The following CACNA1C variants were observed in gnomAD, a reference collection of about 807,000 sequenced individuals.
The protein encoded by CACNA1C is voltage-dependent L-type calcium channel subunit alpha-1C.
A neutral mutation model predicts 229.0 loss-of-function variants in CACNA1C; 30 were observed. The ratio of observed to expected loss-of-function variants is 0.13; its 90% CI spans 0.10 to 0.18. The LOEUF (loss-of-function observed/expected upper bound fraction) is 0.18, where lower values mean the gene tolerates loss of function less well. Ranked by LOEUF, CACNA1C falls within the 10% of genes least tolerant of loss-of-function variation. The pLI is 1.00. For missense variants in CACNA1C, 1,658 were observed against 2,845.0 expected (o/e 0.58, Z 9.49); for synonymous variants, 1,114 against 1,132.5 (o/e 0.98, Z 0.33).
intron 3 of CACNA1C, among the ~76,000 whole-genome samples, chr12:2,204,494 G>A (rs369085842): frequency 8.6e-5 from 13 of 150,858 alleles, no homozygotes; most frequent in Admixed American, 2.6e-4. Flanking sequence ...ACATGCACAC[G>A]TATGTTTATT....
intron 3 of CACNA1C, among the ~76,000 whole-genome samples, chr12:2,420,979 C>T (rs916128401): frequency 5.9e-5 from 9 of 151,972 alleles, no homozygotes; most frequent in African/African-American, 2.2e-4. Context: ...TTAGTCAGAT[C>T]CTGTGAATTA....
At position 2,270,556 on chromosome 12, in the gene CACNA1C, G is replaced by A. The variant is rs1247618684; in HGVS notation, c.477+150126G>A. Among the ~76,000 whole-genome samples the A allele has an allele frequency of 2.6e-5, 4 of 152,278 alleles. No individual in the cohort carries two copies. The South Asian group carries it at 6.2e-4, about 24-fold the overall frequency. On this transcript the variant is annotated intron_variant, in intron 3 of 46. Transcript: ENST00000399655. The stretch of plus-strand genomic sequence containing the variant: ...ACACGAGTAGTCTCTTTGAGTGGGG[G>A]CCACAGCACTCCAGACGTGGTGATG...
At chr12:2,148,725 T>C (rs2094953066) in intron 3 of CACNA1C, among the ~76,000 whole-genome samples, 1 of 151,056 alleles carries the variant, frequency 6.6e-6, no homozygotes. Flanking sequence ...GTTTTTGTAA[T>C]TTTTTGTAGA....
intron 3 of CACNA1C, among the ~76,000 whole-genome samples, chr12:2,253,315 A>C (rs1003389550): frequency 2.6e-5 from 4 of 152,234 alleles, no homozygotes; most frequent in African/African-American, 9.6e-5. Context: ...GTTTCTAATC[A>C]AGCTTTTGGT....
At chr12:2,304,711 C>T (rs1051080441) in intron 3 of CACNA1C, among the ~76,000 whole-genome samples, 1 of 152,188 alleles carries the variant, frequency 6.6e-6, no homozygotes, top group Non-Finnish European at 1.5e-5. Context: ...AGGGCCAGCC[C>T]TCTGCACCAC....
At chr12:2,382,901 G>A (rs1013174823) in intron 3 of CACNA1C, among the ~76,000 whole-genome samples, 1 of 152,112 alleles carries the variant, frequency 6.6e-6, no homozygotes, top group African/African-American at 2.4e-5. Flanking sequence ...AGTCCCACAG[G>A]ATGGGGAAAG....
At chr12:2,497,205 C>G (rs1169536091) in intron 7 of CACNA1C, among the ~76,000 whole-genome samples, 1 of 152,212 alleles carries the variant, frequency 6.6e-6, no homozygotes, top group Non-Finnish European at 1.5e-5. Context: ...CATAGGCATG[C>G]TCTGAGAATT....
At chr12:2,022,318 C>T (rs1374851888) in intron 1 of CACNA1C, among the ~76,000 whole-genome samples, 2 of 152,198 alleles carry the variant, frequency 1.3e-5, no homozygotes, top group Non-Finnish European at 2.9e-5. Flanking sequence ...ATAATTATCT[C>T]ATTTCTGTAA....
chr12:2,335,359 T>C (rs1407700791), intron 3 of CACNA1C, among the ~76,000 whole-genome samples: 1 of 152,136 alleles, frequency 6.6e-6, no homozygotes, highest in East Asian at 1.9e-4. Flanking sequence ...ATTTACGATG[T>C]CAAGAGCCAT....
Position 2,029,701 on chromosome 12 carries a change from C to G in CACNA1C, c.139+58500C>G, listed in dbSNP as rs2047916295. On this transcript the variant is annotated intron_variant, in intron 1 of 46. Transcript: ENST00000682462. This position sits in a 1 kb window ranked among gnomAD's most constrained non-coding sequence, Gnocchi z 4.9. Reference sequence around the variant, plus strand: ...GAAGTGAGGCTAACTGACTGTGACACAGTTTTCTGTTTCTTTCCACCCCAC... The same window carrying G: ...GAAGTGAGGCTAACTGACTGTGACAGAGTTTTCTGTTTCTTTCCACCCCAC... Among the ~76,000 whole-genome samples, 1 of 152,214 alleles carries G rather than the reference C, an allele frequency of 6.6e-6. No individual in the cohort carries two copies. The highest frequency in any genetic ancestry group is 1.5e-5 in the Non-Finnish European group (1 of 68,046).
intron 1 of CACNA1C, among the ~76,000 whole-genome samples, chr12:2,042,372 T>C (rs953214357): frequency 1.3e-5 from 2 of 152,242 alleles, no homozygotes; most frequent in African/African-American, 4.8e-5. Context: ...TCTTTTGGAT[T>C]GAATTTTCAT....
chr12:2,055,421 T>C (rs2054299881), intron 1 of CACNA1C, among the ~76,000 whole-genome samples: 1 of 152,226 alleles, frequency 6.6e-6, no homozygotes, highest in African/African-American at 2.4e-5. Flanking sequence ...GTAATAATAG[T>C]GATTATTCAC....
At chr12:2,208,960 C>T (rs1232682036) in intron 3 of CACNA1C, among the ~76,000 whole-genome samples, 1 of 152,186 alleles carries the variant, frequency 6.6e-6, no homozygotes, top group Non-Finnish European at 1.5e-5. Context: ...ATCCCTGCCC[C>T]AGACCCCTGG....
chr12:2,567,884 G>A, intron 13 of CACNA1C, 90 bp downstream of exon 13: 1 of 714,568 alleles, frequency 1.4e-6, no homozygotes. Context: ...GGGTGGGAGG[G>A]GGGCTGTTCT....
intron 30 of CACNA1C, among the ~76,000 whole-genome samples, chr12:2,637,186 ACT>A (rs1456570168): frequency 7.9e-5 from 12 of 152,034 alleles, no homozygotes; most frequent in African/African-American, 2.9e-4. Flanking sequence ...ATGCCCAGAG[ACT>A]CTGTTTTTTC....
intron 10 of CACNA1C, chr12:2,550,467 G>A: frequency 8.4e-7 from 1 of 1,194,532 alleles, no homozygotes; most frequent in Non-Finnish European, 1.1e-6. Flanking sequence ...ACCTGGGAGA[G>A]AAGCAGCCAG....
At chr12:2,083,503 G>A (rs774335100) in intron 1 of CACNA1C, among the ~76,000 whole-genome samples, 3 of 152,232 alleles carry the variant, frequency 2.0e-5, no homozygotes, top group African/African-American at 4.8e-5. Flanking sequence ...CATTGGAGAA[G>A]CTGGGTTTAT....
chr12:2,667,319 T>TCCACGCTCCTTTTCTCCCTCCTCTCCA (rs1489969411), intron 37 of CACNA1C, among the ~76,000 whole-genome samples: 117 of 152,114 alleles, frequency 7.7e-4, no homozygotes, highest in East Asian at 4.5e-3. Flanking sequence ...CCGTGGCCAT[T>TCCACGCTCCTTTTCTCCCTCCTCTCCA]CCGTGCTCCT....
intron 4 of CACNA1C, among the ~76,000 whole-genome samples, chr12:2,449,758 C>T (rs183109456): frequency 1.3e-5 from 2 of 152,334 alleles, no homozygotes; most frequent in Admixed American, 6.5e-5. Context: ...TAAGGACTTT[C>T]GTTTCATCTC....
Sources: allele counts gnomAD v4.1 joint callset (sites outside exome capture counted in the v4.1 genomes callset), GRCh38; gene constraint gnomAD v4.1.1; non-coding constraint Gnocchi (gnomAD v3.1); transcripts MANE v1.5; gene names NCBI Gene and HGNC (gene_info 2026-07-23, HGNC 2026-07-21).